Variants in COG5 observed in about 807,000 individuals in gnomAD.
COG5 encodes conserved oligomeric Golgi complex subunit 5.
COG5 carries 86 observed loss-of-function variants against 110.4 expected under a neutral mutation model. The ratio of observed to expected loss-of-function variants is 0.78; its 90% CI spans 0.65 to 0.93. The LOEUF is 0.93. COG5 is among the 40% of genes least tolerant of loss of function. The pLI is 0.00. For missense variants in COG5, 1,077 were observed against 987.0 expected, an observed-to-expected ratio of 1.09 and a Z score of -1.22; for synonymous variants, 360 against 334.6, an observed-to-expected ratio of 1.08 and a Z score of -0.83.
chr7:107,391,402 T>C (rs1790615510), intron 7 of COG5, among the ~76,000 whole-genome samples: 1 of 152,208 alleles, frequency 6.6e-6, no homozygotes, highest in African/African-American at 2.4e-5. Flanking sequence ...AGATAAATGG[T>C]TTGCAAATAT....
chr7:107,218,522 G>A lies in COG5; in HGVS notation c.2169-7297C>T, dbSNP rs567090390. Among the ~76,000 whole-genome samples the A allele has an allele frequency of 5.0e-4, 76 of 152,072 alleles. 1 individual carries two copies. Among genetic ancestry groups the A allele is most frequent in the Admixed American group, 1.2e-3 (19 of 15,282 alleles). On this transcript the variant is annotated intron_variant, in intron 19 of 21. Coordinates refer to ENST00000297135, the MANE Select transcript of COG5 (RefSeq NM_006348.5). ...AATAGAAACACTAAGAAATAGAACA[G>A]AACATAGAGCCCATAAATGAACCCA...
At chr7:107,346,710 T>A (rs891108594) in intron 10 of COG5, among the ~76,000 whole-genome samples, 4 of 152,116 alleles carry the variant, frequency 2.6e-5, no homozygotes, top group African/African-American at 7.2e-5. Flanking sequence ...TTTCTTTTTT[T>A]TTATTATTAT....
At chr7:107,516,886 A>G (rs983072989) in intron 6 of COG5, among the ~76,000 whole-genome samples, 2 of 152,252 alleles carry the variant, frequency 1.3e-5, no homozygotes, top group African/African-American at 4.8e-5. Context: ...AGATAAATCC[A>G]CAAAGATGAG....
chr7:107,247,988 A>G (rs1003348001), intron 17 of COG5, among the ~76,000 whole-genome samples: 1 of 152,164 alleles, frequency 6.6e-6, no homozygotes, highest in Non-Finnish European at 1.5e-5. Flanking sequence ...TACCATGCCT[A>G]TGCCAAGGGG....
intron 5 of COG5, among the ~76,000 whole-genome samples, chr7:107,544,711 CA>C (rs1201678335): frequency 6.6e-6 from 1 of 152,186 alleles, no homozygotes; most frequent in East Asian, 1.9e-4. Flanking sequence ...CCTACTTCTT[CA>C]AATGTGCAGG....
chr7:107,317,006 G>C lies in COG5; in HGVS notation c.1108+7434C>G, dbSNP rs578254311. On this transcript the variant is annotated intron_variant, in intron 11 of 21. Coordinates refer to ENST00000297135, the MANE Select transcript of COG5 (RefSeq NM_006348.5). ...TAAATCATCATGACCATAAGCAAAAGTTTCTCATTGAAATTTTAATGAGGA... is the reference window on the plus strand; with the variant it reads ...TAAATCATCATGACCATAAGCAAAACTTTCTCATTGAAATTTTAATGAGGA... Among the ~76,000 whole-genome samples the C allele has an allele frequency of 1.6e-4, 24 of 151,946 alleles. No individual in the cohort carries two copies. In the East Asian group the frequency reaches 4.6e-3, roughly 29 times the overall value.
At chr7:107,446,147 A>T (rs1295511174) in intron 6 of COG5, among the ~76,000 whole-genome samples, 1 of 152,226 alleles carries the variant, frequency 6.6e-6, no homozygotes, top group Non-Finnish European at 1.5e-5. Flanking sequence ...TTCTATATTC[A>T]ACCATTCCTT....
chr7:107,293,233 C>T (rs932984128), intron 12 of COG5, among the ~76,000 whole-genome samples: 2 of 152,106 alleles, frequency 1.3e-5, no homozygotes, highest in Non-Finnish European at 2.9e-5. Context: ...CCATTCATTG[C>T]GTGGGAATTG....
At chr7:107,499,137 G>A (rs1798472613) in intron 6 of COG5, among the ~76,000 whole-genome samples, 1 of 152,074 alleles carries the variant, frequency 6.6e-6, no homozygotes, top group African/African-American at 2.4e-5. Context: ...GGCTGCCAGG[G>A]GCTGGGGGAG....
chr7:107,516,943 T>C (rs926759522), intron 6 of COG5, among the ~76,000 whole-genome samples: 1 of 152,052 alleles, frequency 6.6e-6, no homozygotes, highest in African/African-American at 2.4e-5. Context: ...CCAGAATGCG[T>C]CTTCTCCTCC....
intron 6 of COG5, among the ~76,000 whole-genome samples, chr7:107,445,318 T>A (rs1794944303): frequency 6.6e-6 from 1 of 152,230 alleles, no homozygotes. Flanking sequence ...AAGGTTTAAG[T>A]AAGAGAGAAT....
chr7:107,252,282 CAAATT>C (rs1802575537), intron 16 of COG5, among the ~76,000 whole-genome samples: 1 of 152,068 alleles, frequency 6.6e-6, no homozygotes, highest in African/African-American at 2.4e-5. Flanking sequence ...ATTATTCTGA[CAAATT>C]AGATAACTAA....
chr7:107,229,693 G>T (rs1800627281), intron 19 of COG5, among the ~76,000 whole-genome samples: 1 of 152,186 alleles, frequency 6.6e-6, no homozygotes, highest in Admixed American at 6.5e-5. Flanking sequence ...TCATGAATAT[G>T]AATCAACTCT....
chr7:107,433,830 A>G (rs1378984655), intron 6 of COG5, among the ~76,000 whole-genome samples: 5 of 152,218 alleles, frequency 3.3e-5, no homozygotes, highest in African/African-American at 1.2e-4. Context: ...ACTACATCAA[A>G]ACGTAAAATT....
At chr7:107,316,657 CAA>C (rs760555445) in intron 11 of COG5, among the ~76,000 whole-genome samples, 15,027 of 75,932 alleles carry the variant, frequency 0.2, 787 homozygotes, top group Non-Finnish European at 0.25. Flanking sequence ...ACTAAAAATA[CAA>C]AAAAAAAAAA....
intron 2 of COG5, among the ~76,000 whole-genome samples, chr7:107,555,553 C>G (rs542176849): frequency 6.6e-6 from 1 of 152,170 alleles, no homozygotes; most frequent in East Asian, 1.9e-4. Flanking sequence ...CCTACTGATA[C>G]GGTCATCAAT....
At chr7:107,270,757 A>G (rs998211001) in intron 14 of COG5, among the ~76,000 whole-genome samples, 2 of 152,146 alleles carry the variant, frequency 1.3e-5, no homozygotes, top group Admixed American at 6.6e-5. Context: ...GCTGTTTGGT[A>G]AAATTAATTG....
intron 6 of COG5, among the ~76,000 whole-genome samples, chr7:107,504,993 T>G (rs1563071124): frequency 6.6e-6 from 1 of 152,200 alleles, no homozygotes; most frequent in Non-Finnish European, 1.5e-5. Context: ...GTTCCTTGGT[T>G]ATTAAGAGTC....
chr7:107,240,286 G>A (rs1270716028), intron 17 of COG5, among the ~76,000 whole-genome samples: 2 of 152,122 alleles, frequency 1.3e-5, no homozygotes, highest in African/African-American at 4.8e-5. Flanking sequence ...CTCGATCTTG[G>A]CTCACTGCAA....
Sources: gnomAD v4.1 joint callset for allele counts (sites outside exome capture counted in the v4.1 genomes callset) on GRCh38, gnomAD v4.1.1 for gene constraint, MANE v1.5 for transcripts, NCBI Gene and HGNC (gene_info 2026-07-23, HGNC 2026-07-21) for gene names.